AKT3: variants seen among roughly 807,000 people sequenced by gnomAD.
AKT3 encodes the protein AKT serine/threonine kinase 3.
AKT3 carries 15 observed loss-of-function variants against 65.3 expected under a neutral mutation model. The ratio of observed to expected loss-of-function variants is 0.23; its 90% CI spans 0.15 to 0.35. The LOEUF (loss-of-function observed/expected upper bound fraction) is 0.35, where lower values mean the gene tolerates loss of function less well. AKT3 is among the 10% of genes least tolerant of loss of function. The probability of loss-of-function intolerance (pLI) is 1.00; values close to 1 mark genes in which losing one functional copy is unlikely to be tolerated. For missense variants in AKT3, 243 were observed against 576.5 expected (o/e 0.42, Z 5.92); for synonymous variants, 206 against 183.8 (o/e 1.12, Z -0.98).
At chr1:243,660,266 G>A (rs1356363720) in intron 4 of AKT3, among the ~76,000 whole-genome samples, 5 of 152,128 alleles carry the variant, frequency 3.3e-5, no homozygotes, top group East Asian at 1.9e-4. Flanking sequence ...GTTTATTTGC[G>A]TAGAGGTGTT....
chr1:243,650,818 G>C lies in AKT3; in HGVS notation c.285-4781C>G, dbSNP rs1381444093. 2.0e-5 allele frequency among the ~76,000 whole-genome samples: 3 copies of C among 152,138 alleles called. No homozygotes were observed. In the East Asian group the frequency reaches 5.8e-4, roughly 29 times the overall value. The stretch of plus-strand genomic sequence containing the variant: ...TTTGTTACTGTAGCCTTGTAGTATA[G>C]TTTGAAGTCAGGCAGCATGATGCCT... On this transcript the variant is annotated intron_variant, in intron 4 of 13. Transcript: ENST00000673466.
chr1:243,532,982 G>A (rs1558594280), intron 12 of AKT3, among the ~76,000 whole-genome samples: 1 of 152,102 alleles, frequency 6.6e-6, no homozygotes, highest in East Asian at 1.9e-4. Flanking sequence ...TTTCTCTCAA[G>A]TCAGGAGTAA....
chr1:243,593,786 G>A (rs1250089216), intron 8 of AKT3, among the ~76,000 whole-genome samples: 1 of 152,142 alleles, frequency 6.6e-6, no homozygotes, highest in Non-Finnish European at 1.5e-5. Context: ...AGGAATAGGA[G>A]AGAACTTAAC....
intron 9 of AKT3, 80 bp downstream of exon 9, chr1:243,572,846 G>T (rs1674664219): frequency 1.5e-6 from 2 of 1,375,832 alleles, no homozygotes; most frequent in African/African-American, 2.9e-5. Context: ...TCTCAAAACT[G>T]TATAACTTTG....
intron 2 of AKT3, among the ~76,000 whole-genome samples, chr1:243,808,461 G>A (rs573292616): frequency 7.2e-5 from 11 of 152,254 alleles, no homozygotes; most frequent in African/African-American, 1.4e-4. Context: ...GAAATGAAGC[G>A]AGAAGAGAAG....
rs1669433001 is a variant in AKT3 at position 243,503,182 on chromosome 1, C to T, written c.*2067G>A. On this transcript the variant is annotated 3_prime_UTR_variant, in exon 14 of 14. Transcript: ENST00000673466. ...CTTCCTACTCAATACTAAGGATGAA[C>T]TTCACTCAGGTAGAAATATGAAAAA... is the stretch of plus-strand genomic sequence containing the variant. 4.3e-6 allele frequency: 1 copy of T among 233,396 alleles called. No individual in the cohort carries two copies. The highest frequency in any genetic ancestry group is 2.2e-5 in the African/African-American group (1 of 45,262). 14.5% of individuals were successfully genotyped at this position (233,396 alleles called of 1,614,324 possible).
At chr1:243,699,892 G>A (rs1685336685) in intron 2 of AKT3, among the ~76,000 whole-genome samples, 2 of 152,064 alleles carry the variant, frequency 1.3e-5, no homozygotes, top group Non-Finnish European at 2.9e-5. Flanking sequence ...CGTGGCCACA[G>A]AAGCAAAGAT....
At chr1:243,515,008 G>C (rs1228725665) in intron 12 of AKT3, among the ~76,000 whole-genome samples, 1 of 152,138 alleles carries the variant, frequency 6.6e-6, no homozygotes, top group Non-Finnish European at 1.5e-5. Flanking sequence ...TGCCATGACT[G>C]ATTTGCTTGT....
intron 2 of AKT3, among the ~76,000 whole-genome samples, chr1:243,755,011 G>C (rs2881275): frequency 0.22 from 33,657 of 152,082 alleles, 3,998 homozygotes; most frequent in East Asian, 0.32. Flanking sequence ...TTGATATGTA[G>C]GAAATCATCA....
At chr1:243,744,930 A>T (rs1412913272) in intron 2 of AKT3, among the ~76,000 whole-genome samples, 1 of 142,726 alleles carries the variant, frequency 7.0e-6, no homozygotes, top group African/African-American at 2.6e-5. Context: ...TTGGCTCATT[A>T]AAAAAAAAAA....
intron 2 of AKT3, among the ~76,000 whole-genome samples, chr1:243,819,860 C>T (rs564139508): frequency 3.3e-5 from 5 of 152,172 alleles, no homozygotes; most frequent in South Asian, 2.1e-4. Context: ...GGGATCCAAA[C>T]GCACAGGGTC....
chr1:243,613,639 C>T, intron 8 of AKT3, 32 bp downstream of exon 8: 2 of 1,470,854 alleles, frequency 1.4e-6, no homozygotes, highest in South Asian at 1.3e-5. Context: ...AAAATACTAC[C>T]ATGCAAATAC....
At chr1:243,850,502 G>C (rs926901224), upstream of AKT3, among the ~76,000 whole-genome samples, 15 of 151,496 alleles carry the variant, frequency 9.9e-5, no homozygotes, top group African/African-American at 3.6e-4. Context: ...GGGGTTCTGC[G>C]GCCTCCTCCC....
chr1:243,556,449 G>A (rs1188580175), intron 10 of AKT3, among the ~76,000 whole-genome samples: 1 of 151,982 alleles, frequency 6.6e-6, no homozygotes, highest in African/African-American at 2.4e-5. Context: ...TTTACTAGGA[G>A]GTTAAAGGGA....
At chr1:243,804,489 T>G (rs2148376572) in intron 2 of AKT3, among the ~76,000 whole-genome samples, 1 of 152,304 alleles carries the variant, frequency 6.6e-6, no homozygotes, top group South Asian at 2.1e-4. Context: ...ATGCATTACC[T>G]CACATAGTTA....
At chr1:243,780,492 T>G (rs931074794) in intron 2 of AKT3, among the ~76,000 whole-genome samples, 1 of 151,456 alleles carries the variant, frequency 6.6e-6, no homozygotes, top group Non-Finnish European at 1.5e-5. Flanking sequence ...AAAGGAGGCA[T>G]CATGTCTCAA....
intron 4 of AKT3, among the ~76,000 whole-genome samples, chr1:243,656,936 A>G (rs1487115367): frequency 2.0e-5 from 3 of 152,230 alleles, no homozygotes; most frequent in African/African-American, 7.2e-5. Flanking sequence ...AAATTAAGAA[A>G]AAAGGTATAT....
rs1034814677 is a variant in AKT3 at position 243,850,219 on chromosome 1, G to C, written c.-292C>G. ...TGGCCTCCTGGAGCCCGGTGCGGCC[G>C]GCGGGAGGGCAAGCGAAGGGCTGCA... On this transcript the variant is annotated 5_prime_UTR_variant, in exon 1 of 14. Coordinates refer to ENST00000673466, the MANE Select transcript of AKT3 (RefSeq NM_005465.7). The C allele has an allele frequency of 6.5e-6, 1 of 154,958 alleles. No homozygotes were observed. The highest frequency in any genetic ancestry group is 1.4e-5 in the Non-Finnish European group (1 of 70,526). 9.6% of individuals were successfully genotyped at this position (154,958 alleles called of 1,614,324 possible).
chr1:243,539,683 A>C (rs1439323435), intron 12 of AKT3, among the ~76,000 whole-genome samples: 1 of 152,226 alleles, frequency 6.6e-6, no homozygotes, highest in Non-Finnish European at 1.5e-5. Context: ...TCAGTAACAG[A>C]AAGATATCTG....
Sources: gnomAD v4.1 joint callset for allele counts (sites outside exome capture counted in the v4.1 genomes callset) on GRCh38, gnomAD v4.1.1 for gene constraint, MANE v1.5 for transcripts, NCBI Gene and HGNC (gene_info 2026-07-23, HGNC 2026-07-21) for gene names.